Variants in KIAA0319L observed in about 807,000 individuals in gnomAD.
KIAA0319L encodes the protein dyslexia-associated protein KIAA0319-like protein.
In KIAA0319L, 55 loss-of-function variants were observed where a neutral mutation model predicts 120.1. That is an observed-to-expected ratio of 0.46 (90% CI 0.37 to 0.57). The LOEUF (loss-of-function observed/expected upper bound fraction) is 0.57. Ranked by LOEUF, KIAA0319L falls within the 20% of genes least tolerant of loss-of-function variation. The pLI, the probability that KIAA0319L is intolerant of heterozygous loss-of-function variation, is 0.00. For synonymous variants in KIAA0319L, 398 were observed against 471.9 expected, an observed-to-expected ratio of 0.84 and a Z score of 2.03; for missense variants, 1,049 against 1,255.3, an observed-to-expected ratio of 0.84 and a Z score of 2.48.
intron 2 of KIAA0319L, among the ~76,000 whole-genome samples, chr1:35,531,618 G>A (rs758103650): frequency 6.6e-6 from 1 of 152,190 alleles, no homozygotes; most frequent in Non-Finnish European, 1.5e-5. Flanking sequence ...GCACTCTCTC[G>A]TGGCTAGGAT....
chr1:35,495,626 TTTTTGTTTGTTTGG>T (rs1278824808), intron 3 of KIAA0319L, among the ~76,000 whole-genome samples: 2 of 151,988 alleles, frequency 1.3e-5, no homozygotes, highest in Middle Eastern at 3.2e-3. Context: ...TAACACAGTT[TTTTTGTTTGTTTGG>T]TTTTGTTTGT....
intron 2 of KIAA0319L, among the ~76,000 whole-genome samples, chr1:35,553,177 G>A (rs1647406640): frequency 1.3e-5 from 2 of 151,826 alleles, no homozygotes; most frequent in Non-Finnish European, 2.9e-5. Flanking sequence ...GCTGCAGGCA[G>A]CTATGATGGC....
In KIAA0319L at chr1:35,503,955, G is replaced by A. The variant is rs538617633; in HGVS notation, c.666+2657C>T. ...GGCTGGAGTGCAGTGGTGCAATCTC[G>A]GCTCACTGCAACTTCCACCTCCTGG... is the stretch of plus-strand genomic sequence containing the variant. On this transcript the variant is annotated intron_variant, in intron 3 of 20. Transcript: ENST00000325722. Among the ~76,000 whole-genome samples the A allele has an allele frequency of 8.5e-5, 12 of 141,194 alleles. No homozygotes were observed. The East Asian group carries it at 2.1e-3, about 25-fold the overall frequency. The allele number at this position is 141,194 out of a possible 152,430, so 92.6% of individuals were successfully genotyped here.
chr1:35,482,490 C>T (rs188476153), intron 3 of KIAA0319L, among the ~76,000 whole-genome samples: 173 of 148,336 alleles, frequency 1.2e-3, no homozygotes, highest in Middle Eastern at 3.5e-3. Context: ...AGTGCAATGG[C>T]GCAATCTCGG....
intron 2 of KIAA0319L, among the ~76,000 whole-genome samples, chr1:35,507,488 G>C (rs1645250428): frequency 6.6e-6 from 1 of 152,182 alleles, no homozygotes; most frequent in African/African-American, 2.4e-5. Flanking sequence ...GTGGCAAGTT[G>C]GGAGGAAGAG....
intron 3 of KIAA0319L, among the ~76,000 whole-genome samples, chr1:35,505,263 TA>T (rs1230377968): frequency 6.6e-6 from 1 of 152,156 alleles, no homozygotes; most frequent in African/African-American, 2.4e-5. Flanking sequence ...GTATCCAGCT[TA>T]GTATAGTACC....
chr1:35,547,872 A>C (rs377612387), intron 2 of KIAA0319L, among the ~76,000 whole-genome samples: 81 of 152,334 alleles, frequency 5.3e-4, no homozygotes, highest in African/African-American at 1.5e-3. Context: ...CTGTAATCCC[A>C]GCACTCTGGG....
chr1:35,525,270 A>G (rs762018551), intron 2 of KIAA0319L, among the ~76,000 whole-genome samples: 4 of 152,268 alleles, frequency 2.6e-5, no homozygotes, highest in African/African-American at 4.8e-5. Flanking sequence ...ACTTAATTCC[A>G]TATCTTTGCT....
chr1:35,445,327 C>A (rs1641539315), intron 16 of KIAA0319L, among the ~76,000 whole-genome samples: 1 of 152,078 alleles, frequency 6.6e-6, no homozygotes, highest in Non-Finnish European at 1.5e-5. Context: ...CAAAAAAAAA[C>A]TTTTGCCATA....
chr1:35,491,646 A>G (rs1644598505), intron 3 of KIAA0319L, among the ~76,000 whole-genome samples: 1 of 152,180 alleles, frequency 6.6e-6, no homozygotes, highest in South Asian at 2.1e-4. Flanking sequence ...GGATTAGCGC[A>G]GAAATCAATA....
chr1:35,473,564 C>T (rs1302566988), intron 5 of KIAA0319L, among the ~76,000 whole-genome samples: 1 of 152,188 alleles, frequency 6.6e-6, no homozygotes, highest in Non-Finnish European at 1.5e-5. Context: ...CAGTCCCTCA[C>T]CTCCAACTTC....
At chr1:35,505,830 T>C (rs921614218) in intron 3 of KIAA0319L, among the ~76,000 whole-genome samples, 13 of 152,190 alleles carry the variant, frequency 8.5e-5, no homozygotes, top group African/African-American at 3.1e-4. Context: ...CTTGGAAATA[T>C]TGCTATGAAA....
chr1:35,454,753 GGGAAATGTGCA>G (rs1642321788), intron 10 of KIAA0319L: 2 of 587,842 alleles, frequency 3.4e-6, no homozygotes, highest in Non-Finnish European at 5.0e-6. Flanking sequence ...GGGCAGTATT[GGGAAATGTGCA>G]GAGATTACCA....
At chr1:35,518,696 G>A (rs962511910) in intron 2 of KIAA0319L, among the ~76,000 whole-genome samples, 11 of 152,058 alleles carry the variant, frequency 7.2e-5, no homozygotes, top group Middle Eastern at 6.8e-3. Flanking sequence ...ATGTGCCCCC[G>A]AACCTAAAAT....
At position 35,527,905 on chromosome 1, in the gene KIAA0319L, C is replaced by T. The variant is rs190988884; in HGVS notation, c.143-20770G>A. Among the ~76,000 whole-genome samples, 7 of 150,636 alleles carry T rather than the reference C, an allele frequency of 4.6e-5. No homozygotes were observed. In the East Asian group the frequency reaches 1.4e-3, roughly 29 times the overall value. ...TGCTCTGATCTTCATTATTTCCTTC[C>T]TTCTACTAATTTTGGGTTTGGTTTG... On this transcript the variant is annotated intron_variant, in intron 2 of 20. Coordinates refer to ENST00000325722, the MANE Select transcript of KIAA0319L (RefSeq NM_024874.5).
chr1:35,447,564 CT>C (rs1303164903), intron 16 of KIAA0319L, among the ~76,000 whole-genome samples: 1 of 149,182 alleles, frequency 6.7e-6, no homozygotes, highest in African/African-American at 2.5e-5. Context: ...TCCTTTTCCC[CT>C]TTTTTTTTCT....
At chr1:35,480,630 A>C in intron 3 of KIAA0319L, among the ~76,000 whole-genome samples, 1 of 152,064 alleles carries the variant, frequency 6.6e-6, no homozygotes, top group East Asian at 1.9e-4. Context: ...AAAAATACAA[A>C]ATTTAGCTGG....
intron 2 of KIAA0319L, chr1:35,511,271 AAAAAAAC>A (rs1348695199): frequency 1.3e-5 from 2 of 152,538 alleles, no homozygotes; most frequent in East Asian, 3.8e-4. Flanking sequence ...CTGGGGGGAA[AAAAAAAC>A]AAAAAACCAA....
chr1:35,494,655 A>C (rs529028695), intron 3 of KIAA0319L, among the ~76,000 whole-genome samples: 31 of 151,260 alleles, frequency 2.0e-4, no homozygotes, highest in African/African-American at 4.9e-4. Context: ...GGAAAAAAAA[A>C]AAACAAACTA....
Sources: allele counts gnomAD v4.1 joint callset (sites outside exome capture counted in the v4.1 genomes callset), GRCh38; gene constraint gnomAD v4.1.1; transcripts MANE v1.5; gene names NCBI Gene and HGNC (gene_info 2026-07-23, HGNC 2026-07-21).